Variants in MYO3B observed in about 807,000 individuals in gnomAD.
The protein encoded by MYO3B is myosin IIIB.
A neutral mutation model predicts 174.6 loss-of-function variants in MYO3B; 156 were observed. The observed-to-expected ratio is 0.89, with a 90% CI of 0.78 to 1.02. MYO3B has a LOEUF of 1.02. Among genes scored for constraint, MYO3B ranks in the 50% least tolerant of loss-of-function variants. The pLI, the probability that MYO3B is intolerant of heterozygous loss-of-function variation, is 0.00. For synonymous variants in MYO3B, 563 were observed against 569.1 expected, an observed-to-expected ratio of 0.99 and a Z score of 0.15; for missense variants, 1,632 against 1,639.4, an observed-to-expected ratio of 1.00 and a Z score of 0.08.
intron 32 of MYO3B, chr2:170,646,880 TA>T: frequency 7.5e-7 from 1 of 1,334,226 alleles, no homozygotes. Context: ...TCTCGTTTTC[TA>T]ACTATATTTC....
intron 1 of MYO3B, among the ~76,000 whole-genome samples, chr2:170,192,146 A>G (rs1358414338): frequency 6.6e-6 from 1 of 152,112 alleles, no homozygotes; most frequent in East Asian, 1.9e-4. Flanking sequence ...GAAAACATAA[A>G]TAGCATTGGA....
chr2:170,521,412 A>G (rs1468823207), intron 30 of MYO3B, among the ~76,000 whole-genome samples: 1 of 152,216 alleles, frequency 6.6e-6, no homozygotes, highest in East Asian at 1.9e-4. Flanking sequence ...ACCTTGGGCA[A>G]GTCAGTGAAC....
At chr2:170,327,270 A>T (rs774867136) in intron 7 of MYO3B, among the ~76,000 whole-genome samples, 8 of 152,234 alleles carry the variant, frequency 5.3e-5, no homozygotes, top group Non-Finnish European at 1.2e-4. Context: ...CTGTATTCCC[A>T]ACTACTCGGG....
intron 30 of MYO3B, among the ~76,000 whole-genome samples, chr2:170,542,446 A>T (rs866369867): frequency 3.3e-4 from 50 of 152,230 alleles, no homozygotes; most frequent in African/African-American, 1.0e-3. Flanking sequence ...TTAAAAGATT[A>T]TTCCTGCAGT....
chr2:170,454,174 A>G (rs955264847), intron 23 of MYO3B, among the ~76,000 whole-genome samples: 4 of 152,184 alleles, frequency 2.6e-5, no homozygotes, highest in African/African-American at 7.2e-5. Context: ...CCTATTCTCC[A>G]TCTGAGAAAT....
chr2:170,459,321 T>C (rs1684109496), intron 23 of MYO3B, among the ~76,000 whole-genome samples: 1 of 152,186 alleles, frequency 6.6e-6, no homozygotes, highest in African/African-American at 2.4e-5. Flanking sequence ...TTGGTCTGTT[T>C]TGACAGGGTG....
Position 170,653,080 on chromosome 2 carries a change from T to C in MYO3B, c.3985T>C (p.Phe1329Leu). 6.2e-7 allele frequency: 1 copy of C among 1,614,184 alleles called. No individual in the cohort carries two copies. The highest frequency in any genetic ancestry group is 8.5e-7 in the Non-Finnish European group (1 of 1,180,032). The change falls in exon 35 of 35, where the codon TTT becomes CTT. Residue 1329 changes from phenylalanine (F) to leucine (L), a missense_variant. Coordinates refer to ENST00000408978, the MANE Select transcript of MYO3B (RefSeq NM_138995.5). ...EENNSAHPSF[F>L]SSSSKGDSFA... ...GAACAACTCAGCCCACCCTTCCTTT[T>C]TTTCTTCATCCTCAAAAGGAGACTC...
At chr2:170,212,462 G>C (rs1004070260) in intron 3 of MYO3B, among the ~76,000 whole-genome samples, 3 of 152,096 alleles carry the variant, frequency 2.0e-5, no homozygotes, top group Non-Finnish European at 2.9e-5. Context: ...AAAGGAAAAA[G>C]ACTTTTTGGT....
intron 7 of MYO3B, among the ~76,000 whole-genome samples, chr2:170,308,988 T>A (rs1225059470): frequency 6.6e-6 from 1 of 152,202 alleles, no homozygotes; most frequent in Non-Finnish European, 1.5e-5. Context: ...ATCTTATTTT[T>A]AAGGCCAGGG....
intron 23 of MYO3B, among the ~76,000 whole-genome samples, chr2:170,452,779 T>TA (rs1486075399): frequency 2.0e-5 from 3 of 151,948 alleles, no homozygotes; most frequent in Non-Finnish European, 4.4e-5. Context: ...TTGAGAGAAA[T>TA]AAAAAATTAA....
chr2:170,205,942 A>G (rs2092709772), intron 3 of MYO3B, among the ~76,000 whole-genome samples: 2 of 152,144 alleles, frequency 1.3e-5, no homozygotes, highest in Admixed American at 6.6e-5. Flanking sequence ...TGCGTAGTAT[A>G]TGGATATATA....
At chr2:170,374,080 T>C (rs1343777556) in intron 9 of MYO3B, among the ~76,000 whole-genome samples, 3 of 152,148 alleles carry the variant, frequency 2.0e-5, no homozygotes, top group Non-Finnish European at 2.9e-5. Flanking sequence ...CTAGAAACTC[T>C]CAGAAAATGC....
chr2:170,607,162 G>T (rs569963710), intron 32 of MYO3B, among the ~76,000 whole-genome samples: 52 of 152,300 alleles, frequency 3.4e-4, no homozygotes, highest in African/African-American at 1.2e-3. Flanking sequence ...AAGTCAAATT[G>T]TATGAGATTG....
intron 32 of MYO3B, among the ~76,000 whole-genome samples, chr2:170,606,999 A>G (rs1694849315): frequency 6.6e-6 from 1 of 152,186 alleles, no homozygotes; most frequent in South Asian, 2.1e-4. Flanking sequence ...CAGCCTGGGC[A>G]AAAAAAGCGA....
chr2:170,304,747 A>G (rs997041361), intron 7 of MYO3B, among the ~76,000 whole-genome samples: 6 of 152,040 alleles, frequency 3.9e-5, no homozygotes, highest in Admixed American at 3.3e-4. Context: ...GATTACGGAC[A>G]TGAGCCATCG....
intron 23 of MYO3B, among the ~76,000 whole-genome samples, chr2:170,462,056 G>A (rs1684325997): frequency 6.6e-6 from 1 of 152,216 alleles, no homozygotes; most frequent in African/African-American, 2.4e-5. Context: ...AGCGGAGAGA[G>A]TATAACACGC....
chr2:170,615,562 ATTGCTTC>A (rs568820141), intron 32 of MYO3B, among the ~76,000 whole-genome samples: 1 of 152,218 alleles, frequency 6.6e-6, no homozygotes, highest in Non-Finnish European at 1.5e-5. Flanking sequence ...TTCATTATCT[ATTGCTTC>A]TTACAAATTA....
intron 16 of MYO3B, among the ~76,000 whole-genome samples, chr2:170,398,222 T>C (rs1308178028): frequency 4.4e-5 from 3 of 67,822 alleles, no homozygotes; most frequent in African/African-American, 5.8e-5. Context: ...AAACTCTGTC[T>C]CAAAAGAAAA....
intron 32 of MYO3B, among the ~76,000 whole-genome samples, chr2:170,611,067 C>T (rs920952857): frequency 1.3e-5 from 2 of 152,120 alleles, no homozygotes; most frequent in Admixed American, 6.6e-5. Context: ...CTTTATTAAC[C>T]TCCATGTAGG....
Sources: gnomAD v4.1 joint callset for allele counts (sites outside exome capture counted in the v4.1 genomes callset) on GRCh38, gnomAD v4.1.1 for gene constraint, MANE v1.5 for transcripts, NCBI Gene and HGNC (gene_info 2026-07-23, HGNC 2026-07-21) for gene names.